NINJ2: variants seen among roughly 807,000 people sequenced by gnomAD.
The protein encoded by NINJ2 is ninjurin-2.
In NINJ2, 12 loss-of-function variants were observed where a neutral mutation model predicts 11.7. The observed-to-expected ratio is 1.02, with a 90% CI of 0.66 to 1.66. NINJ2 has a LOEUF of 1.66. Ranked by LOEUF, NINJ2 falls within the 40% of genes most tolerant of loss-of-function variation. The probability of loss-of-function intolerance (pLI) is 0.00; values close to 1 mark genes in which losing one functional copy is unlikely to be tolerated. For missense variants in NINJ2, 187 were observed against 181.8 expected, an observed-to-expected ratio of 1.03 and a Z score of -0.16; for synonymous variants, 93 against 76.8, an observed-to-expected ratio of 1.21 and a Z score of -1.10.
intron 1 of NINJ2, among the ~76,000 whole-genome samples, chr12:660,003 T>C (rs1200081434): frequency 2.0e-5 from 3 of 152,096 alleles, no homozygotes; most frequent in Non-Finnish European, 4.4e-5. Flanking sequence ...ATGTTGGAAT[T>C]GCCTGGACAT....
At chr12:652,207 A>G (rs1282263693) in intron 1 of NINJ2, among the ~76,000 whole-genome samples, 3 of 152,218 alleles carry the variant, frequency 2.0e-5, no homozygotes, top group Non-Finnish European at 4.4e-5. Context: ...TTGAAGAACA[A>G]AGATAAGAAT....
intron 1 of NINJ2, among the ~76,000 whole-genome samples, chr12:613,544 G>A (rs976766838): frequency 6.6e-6 from 1 of 152,018 alleles, no homozygotes; most frequent in Non-Finnish European, 1.5e-5. Context: ...AGGAGGCAGA[G>A]GTTGCAGTGA....
intron 1 of NINJ2, among the ~76,000 whole-genome samples, chr12:602,185 C>T (rs1196151015): frequency 6.6e-6 from 1 of 152,196 alleles, no homozygotes; most frequent in Non-Finnish European, 1.5e-5. Context: ...ACACAATTCA[C>T]CTATTTAAAG....
chr12:569,123 G>A (rs1022591460), intron 1 of NINJ2, among the ~76,000 whole-genome samples: 7 of 152,364 alleles, frequency 4.6e-5, no homozygotes, highest in African/African-American at 1.7e-4. Flanking sequence ...GAGGAGGTAG[G>A]GATGGAGGGT....
intron 1 of NINJ2, among the ~76,000 whole-genome samples, chr12:600,991 C>T (rs1947859280): frequency 6.6e-6 from 1 of 152,140 alleles, no homozygotes; most frequent in Non-Finnish European, 1.5e-5. Flanking sequence ...AAAACACTCC[C>T]AATTCCTTTG....
At chr12:568,195 G>A (rs1472899200) in intron 1 of NINJ2, among the ~76,000 whole-genome samples, 1 of 152,150 alleles carries the variant, frequency 6.6e-6, no homozygotes, top group Non-Finnish European at 1.5e-5. Context: ...AGAAACATTT[G>A]AAAGGATTAC....
intron 1 of NINJ2, among the ~76,000 whole-genome samples, chr12:653,294 C>T (rs1937822995): frequency 6.6e-6 from 1 of 152,092 alleles, no homozygotes. Context: ...GCTGGGATTA[C>T]AGGCGTGAGC....
At chr12:621,808 T>A (rs1201959419) in intron 1 of NINJ2, among the ~76,000 whole-genome samples, 1 of 107,956 alleles carries the variant, frequency 9.3e-6, no homozygotes, top group African/African-American at 3.6e-5. Context: ...AGAGTGAGAC[T>A]CCGTCTCAGA....
intron 1 of NINJ2, among the ~76,000 whole-genome samples, chr12:650,988 T>C (rs1006404129): frequency 2.0e-5 from 3 of 152,138 alleles, no homozygotes; most frequent in African/African-American, 7.2e-5. Context: ...GCAATTCTCC[T>C]CGGGAGTTAG....
At chr12:624,933 AC>A (rs1218718445) in intron 1 of NINJ2, among the ~76,000 whole-genome samples, 1 of 151,744 alleles carries the variant, frequency 6.6e-6, no homozygotes, top group African/African-American at 2.4e-5. Context: ...ACATGGTGAA[AC>A]CCCGTCTTTA....
intron 1 of NINJ2, chr12:610,631 A>C (rs967942448): frequency 3.3e-5 from 33 of 985,184 alleles, no homozygotes; most frequent in Non-Finnish European, 4.0e-5. Flanking sequence ...GCAGGGACTT[A>C]ATATGTGGCT....
Position 580,316 on chromosome 12 carries a change from G to C in NINJ2, c.34-14138C>G, listed in dbSNP as rs985280109. ...AATGATGCATTTGTCAGCAGTGCAT[G>C]GTGGCTCACACCTGTAATCCCAGCA... On this transcript the variant is annotated intron_variant, in intron 1 of 3. Coordinates refer to ENST00000305108, the MANE Select transcript of NINJ2 (RefSeq NM_016533.6). The surrounding 1 kb of genome is among the most constrained non-coding windows in gnomAD (Gnocchi z 4.7). Among the ~76,000 whole-genome samples the C allele has an allele frequency of 1.3e-5, 2 of 152,120 alleles. No homozygotes were observed. Among genetic ancestry groups the C allele is most frequent in the African/African-American group, 4.8e-5 (2 of 41,418 alleles).
chr12:595,693 C>T lies in NINJ2; in HGVS notation c.34-29515G>A, dbSNP rs371912016. On this transcript the variant is annotated intron_variant, in intron 1 of 3. Coordinates refer to ENST00000305108, the MANE Select transcript of NINJ2 (RefSeq NM_016533.6). ...GCTTGAACCCGGGAGGCGGAGGTTG[C>T]GGTGAGCCAAGATCATGCCATTGCA... Among the ~76,000 whole-genome samples, 6 of 151,960 alleles carry T rather than the reference C, an allele frequency of 3.9e-5. No homozygotes were observed. In the South Asian group the frequency reaches 1.0e-3, roughly 26 times the overall value.
At chr12:577,083 A>G (rs1019935195) in intron 1 of NINJ2, among the ~76,000 whole-genome samples, 2 of 152,222 alleles carry the variant, frequency 1.3e-5, no homozygotes, top group African/African-American at 4.8e-5. Context: ...ATTAATACAG[A>G]TGGTCCCCAG....
intron 1 of NINJ2, among the ~76,000 whole-genome samples, chr12:638,714 C>T (rs1003107588): frequency 1.3e-5 from 2 of 152,176 alleles, no homozygotes; most frequent in Non-Finnish European, 2.9e-5. Context: ...CGCGCCCGGC[C>T]GACACTTAGT....
At chr12:643,750 A>T (rs1053530761) in intron 1 of NINJ2, 1 of 845,228 alleles carries the variant, frequency 1.2e-6, no homozygotes, top group Non-Finnish European at 1.4e-6. Context: ...CTCCCCCCTC[A>T]CATCATGGGA....
At position 604,900 on chromosome 12, in the gene NINJ2, G is replaced by C. The variant is rs1176562121; in HGVS notation, c.34-38722C>G. ...CAGAGGTTTGTTATTTTCCAGAGCA[G>C]TGCTCTTGCGGTGTGGTCCAGGAAC... On this transcript the variant is annotated intron_variant, in intron 1 of 3. Transcript: ENST00000305108. Among the ~76,000 whole-genome samples, 3 of 152,328 alleles carry C rather than the reference G, an allele frequency of 2.0e-5. 1 individual carries two copies. The highest frequency in any genetic ancestry group is 4.4e-5 in the Non-Finnish European group (3 of 68,030).
rs906748357 is a variant in NINJ2, at chr12:633,686, A to G, written c.33+29642T>C. 1.3e-5 allele frequency among the ~76,000 whole-genome samples: 2 copies of G among 152,028 alleles called. No homozygotes were observed. Among genetic ancestry groups the G allele is most frequent in the African/African-American group, 4.8e-5 (2 of 41,386 alleles). On this transcript the variant is annotated intron_variant, in intron 1 of 3. Transcript: ENST00000305108. This position sits in a 1 kb window ranked among gnomAD's most constrained non-coding sequence, Gnocchi z 4.3. ...AAAAATTAGCTGAGCGTGGTGCCAC[A>G]TGCCTGTAGTCCCAGCTACTCAGGA...
At chr12:629,896 A>AAAAAAAAAAAAAAATATATAT in intron 1 of NINJ2, among the ~76,000 whole-genome samples, 9 of 9,900 alleles carry the variant, frequency 9.1e-4, no homozygotes, top group Non-Finnish European at 2.8e-3. Flanking sequence ...AAAAAAAAAA[A>AAAAAAAAAAAAAAATATATAT]ATATATATAT....
Sources: allele counts gnomAD v4.1 joint callset (sites outside exome capture counted in the v4.1 genomes callset), GRCh38; gene constraint gnomAD v4.1.1; non-coding constraint Gnocchi (gnomAD v3.1); transcripts MANE v1.5; gene names NCBI Gene and HGNC (gene_info 2026-07-23, HGNC 2026-07-21).